The following WWOX variants were observed in gnomAD, a reference collection of about 807,000 sequenced individuals.
WWOX encodes the protein WW domain containing oxidoreductase, also known as WW domain-containing oxidoreductase.
A neutral mutation model predicts 46.2 loss-of-function variants in WWOX; 69 were observed. The ratio of observed to expected loss-of-function variants is 1.49; its 90% CI spans 1.23 to 1.82. The LOEUF is 1.82. Among genes scored for constraint, WWOX ranks in the 40% most tolerant of loss-of-function variants. The probability of loss-of-function intolerance (pLI) is 0.00; values close to 1 mark genes in which losing one functional copy is unlikely to be tolerated. For synonymous variants in WWOX, 359 were observed against 202.6 expected, an observed-to-expected ratio of 1.77 and a Z score of -6.56; for missense variants, 919 against 542.6, an observed-to-expected ratio of 1.69 and a Z score of -6.89.
At chr16:78,537,613 C>G (rs1597230852) in intron 8 of WWOX, among the ~76,000 whole-genome samples, 2 of 152,070 alleles carry the variant, frequency 1.3e-5, no homozygotes, top group East Asian at 1.9e-4. Context: ...AAAAGTCATA[C>G]AGATAGGCTC....
At chr16:79,161,962 C>G (rs1021187441) in intron 8 of WWOX, among the ~76,000 whole-genome samples, 3 of 152,212 alleles carry the variant, frequency 2.0e-5, no homozygotes, top group African/African-American at 7.2e-5. Flanking sequence ...AGGAATCCAC[C>G]TACACAGAGT....
intron 8 of WWOX, among the ~76,000 whole-genome samples, chr16:78,466,781 G>A (rs2084088192): frequency 6.6e-6 from 1 of 152,206 alleles, no homozygotes; most frequent in Non-Finnish European, 1.5e-5. Flanking sequence ...CCGAGAGGCA[G>A]AGGTTGCAGT....
chr16:78,725,128 C>T (rs1191764688), intron 8 of WWOX, among the ~76,000 whole-genome samples: 2 of 152,048 alleles, frequency 1.3e-5, no homozygotes, highest in South Asian at 2.1e-4. Flanking sequence ...GAATGAATCT[C>T]ATGAGATCTG....
intron 8 of WWOX, among the ~76,000 whole-genome samples, chr16:78,649,986 C>G (rs964823361): frequency 1.3e-5 from 2 of 152,130 alleles, no homozygotes; most frequent in Non-Finnish European, 2.9e-5. Flanking sequence ...AGGGAGGTTC[C>G]ATTGTATATT....
chr16:79,211,519 G>A lies in WWOX; in HGVS notation c.1057-89G>A. On this transcript the variant is annotated intron_variant, in intron 8 of 8. Transcript: ENST00000566780. ...AGCTGAAACTGAACCAGGTGGGGGA[G>A]GCCTGCTAATGCCCAGGCAGTCGAA... The A allele has an allele frequency of 2.0e-6, 3 of 1,537,180 alleles. No homozygotes were observed. The South Asian group carries it at 3.4e-5, about 18-fold the overall frequency.
At chr16:79,054,488 C>T (rs1450127489) in intron 8 of WWOX, among the ~76,000 whole-genome samples, 1 of 152,068 alleles carries the variant, frequency 6.6e-6, no homozygotes, top group Non-Finnish European at 1.5e-5. Flanking sequence ...CAGATTTAAT[C>T]AGGGGAATAC....
At chr16:78,411,943 T>A (rs1412427053) in intron 6 of WWOX, among the ~76,000 whole-genome samples, 1 of 152,204 alleles carries the variant, frequency 6.6e-6, no homozygotes, top group Non-Finnish European at 1.5e-5. Context: ...TTCCGCCCGA[T>A]TCCATGGGGA....
At chr16:79,049,368 A>G (rs1180059284) in intron 8 of WWOX, among the ~76,000 whole-genome samples, 1 of 152,226 alleles carries the variant, frequency 6.6e-6, no homozygotes, top group African/African-American at 2.4e-5. Context: ...TATTCGGCAC[A>G]ATTGAGTAAT....
intron 5 of WWOX, among the ~76,000 whole-genome samples, chr16:78,298,722 C>T (rs1160613289): frequency 6.7e-6 from 1 of 150,372 alleles, no homozygotes; most frequent in Non-Finnish European, 1.5e-5. Flanking sequence ...ACCTGGGAGG[C>T]GGAGGTTGTG....
intron 8 of WWOX, among the ~76,000 whole-genome samples, chr16:78,579,267 A>G (rs934400631): frequency 6.6e-6 from 1 of 152,152 alleles, no homozygotes; most frequent in African/African-American, 2.4e-5. Flanking sequence ...TCAAGGAGAT[A>G]AGTACTTAAA....
At chr16:79,187,832 A>G (rs969885440) in intron 8 of WWOX, among the ~76,000 whole-genome samples, 2 of 152,246 alleles carry the variant, frequency 1.3e-5, no homozygotes, top group Non-Finnish European at 2.9e-5. Context: ...GTGAGCCACC[A>G]TGCCTGGCCC....
At chr16:78,971,412 G>A (rs907719633) in intron 8 of WWOX, among the ~76,000 whole-genome samples, 1 of 137,722 alleles carries the variant, frequency 7.3e-6, no homozygotes, top group East Asian at 2.3e-4. Flanking sequence ...CCAAGGTCAC[G>A]CCACTGCTCT....
intron 8 of WWOX, among the ~76,000 whole-genome samples, chr16:79,076,999 T>C (rs1057007649): frequency 6.6e-6 from 1 of 152,176 alleles, no homozygotes; most frequent in Non-Finnish European, 1.5e-5. Flanking sequence ...TTGAACTGTA[T>C]GAAATGACTG....
At chr16:78,484,962 A>G (rs918930005) in intron 8 of WWOX, among the ~76,000 whole-genome samples, 17 of 152,058 alleles carry the variant, frequency 1.1e-4, no homozygotes, top group African/African-American at 3.9e-4. Flanking sequence ...CTGGCAAGGC[A>G]CGCTCTGCTC....
At chr16:78,425,836 G>T (rs1315452762) in intron 7 of WWOX, among the ~76,000 whole-genome samples, 1 of 151,988 alleles carries the variant, frequency 6.6e-6, no homozygotes, top group Non-Finnish European at 1.5e-5. Flanking sequence ...TAGCAAAGTA[G>T]CTAGAAAAAA....
chr16:78,807,405 G>A (rs149164607), intron 8 of WWOX, among the ~76,000 whole-genome samples: 1 of 152,302 alleles, frequency 6.6e-6, no homozygotes, highest in African/African-American at 2.4e-5. Flanking sequence ...CTTGAACACA[G>A]GCCTTGATGT....
chr16:78,591,086 T>C (rs1011907131), intron 8 of WWOX, among the ~76,000 whole-genome samples: 2 of 152,178 alleles, frequency 1.3e-5, no homozygotes, highest in African/African-American at 4.8e-5. Context: ...AGAGGTGACA[T>C]GCCATGATGT....
intron 6 of WWOX, among the ~76,000 whole-genome samples, chr16:78,389,082 C>T (rs754298760): frequency 6.6e-6 from 1 of 152,196 alleles, no homozygotes; most frequent in African/African-American, 2.4e-5. Flanking sequence ...CGCCTAAGCG[C>T]AGACCCCAAG....
chr16:78,845,635 G>A (rs1404131182), intron 8 of WWOX, among the ~76,000 whole-genome samples: 1 of 152,102 alleles, frequency 6.6e-6, no homozygotes, highest in Non-Finnish European at 1.5e-5. Flanking sequence ...GCCTCCACAA[G>A]GCAAAAAATA....
Sources: gnomAD v4.1 joint callset for allele counts (sites outside exome capture counted in the v4.1 genomes callset) on GRCh38, gnomAD v4.1.1 for gene constraint, MANE v1.5 for transcripts, NCBI Gene and HGNC (gene_info 2026-07-23, HGNC 2026-07-21) for gene names.